BGLAP: variants seen among roughly 807,000 people sequenced by gnomAD.
BGLAP encodes bone gamma-carboxyglutamate protein.
BGLAP carries 15 observed loss-of-function variants against 13.7 expected under a neutral mutation model. That is an observed-to-expected ratio of 1.09 (90% CI 0.73 to 1.68). The LOEUF (loss-of-function observed/expected upper bound fraction) is 1.68. BGLAP is among the 40% of genes most tolerant of loss of function. The pLI is 0.00. For synonymous variants in BGLAP, 67 were observed against 56.2 expected, an observed-to-expected ratio of 1.19 and a Z score of -0.86; for missense variants, 120 against 134.3, an observed-to-expected ratio of 0.89 and a Z score of 0.53.
At chr1:156,242,459 G>A (rs981067169) in intron 1 of BGLAP, 94 bp from the exon 2 acceptor site, 214 of 1,549,310 alleles carry the variant, frequency 1.4e-4, no homozygotes, top group Non-Finnish European at 1.8e-4. Flanking sequence ...TGCAGAGGGA[G>A]AGGAGGGAAG....
rs1659513329 is a variant in BGLAP, at chr1:156,242,685, A to G, written c.104-77A>G. The G allele has an allele frequency of 1.9e-6, 3 of 1,608,846 alleles. No individual in the cohort carries two copies. In the South Asian group the frequency reaches 3.3e-5, roughly 18 times the overall value. On this transcript the variant is annotated intron_variant, in intron 2 of 3. Transcript: ENST00000368272. ...CACTCCTGCCACCTCCTGTCTGGCC[A>G]TCAGGAAGGCCAGCCTGCTCCCCAC...
At chr1:156,242,634 A>C (rs1572517559) in intron 2 of BGLAP, 43 bp downstream of exon 2, 1 of 1,587,424 alleles carries the variant, frequency 6.3e-7, no homozygotes, top group East Asian at 2.3e-5. Flanking sequence ...CTCCCCTCTC[A>C]CCCTGGTCCC....
rs192496684 is a variant in BGLAP, at chr1:156,242,493, G to A, written c.65-60G>A. 3.3e-3 allele frequency: 5,077 copies of A among 1,551,532 alleles called. 18 individuals carry two copies. Among genetic ancestry groups the A allele is most frequent in the Non-Finnish European group, 3.6e-3 (4,176 of 1,146,876 alleles). On this transcript the variant is annotated intron_variant, in intron 1 of 3. Transcript: ENST00000368272. ...AGAGCAAGCTGCCCGAGACGCAGGG[G>A]AAGGAGGATGAGGGCCCTGGGGATG...
At chr1:156,242,881 C>A in intron 3 of BGLAP, 50 bp downstream of exon 3, 2 of 1,573,194 alleles carry the variant, frequency 1.3e-6, no homozygotes, top group South Asian at 2.4e-5. Flanking sequence ...CCGGGATGGT[C>A]TGTGGGGGAG....
rs1659447767 is a variant in BGLAP at position 156,242,365 on chromosome 1, C to G, written c.64+70C>G. The G allele has an allele frequency of 1.9e-6, 3 of 1,575,118 alleles. No individual in the cohort carries two copies. The Admixed American group carries it at 5.4e-5, about 28-fold the overall frequency. On this transcript the variant is annotated intron_variant, in intron 1 of 3. Transcript: ENST00000368272. Reference sequence around the variant, plus strand: ...GAGAGGAGGAAGCACCATGGCCCACCTCTTCTCACCCCTTTGGCTGGCAGT... The same window carrying G: ...GAGAGGAGGAAGCACCATGGCCCACGTCTTCTCACCCCTTTGGCTGGCAGT...
In BGLAP at chr1:156,243,275, C is replaced by G. The variant is rs1318279249; in HGVS notation, c.*113C>G. On this transcript the variant is annotated 3_prime_UTR_variant, in exon 4 of 4. Transcript: ENST00000368272. The stretch of plus-strand genomic sequence containing the variant: ...CCTCCCAGCCCTATGGATGTGGGGT[C>G]CCCATCATCCCAGCTGCTCCCAAAT... 5 of 1,515,442 alleles carry G rather than the reference C, an allele frequency of 3.3e-6. No homozygotes were observed. The highest frequency in any genetic ancestry group is 4.5e-6 in the Non-Finnish European group (5 of 1,123,472). 93.9% of individuals were successfully genotyped at this position (1,515,442 alleles called of 1,614,324 possible).
In BGLAP at chr1:156,242,885, G is replaced by A. The variant is rs767852918; in HGVS notation, c.173+54G>A. The A allele has an allele frequency of 4.5e-6, 7 of 1,572,964 alleles. 1 individual carries two copies. The African/African-American group carries it at 6.7e-5, about 15-fold the overall frequency. The stretch of plus-strand genomic sequence containing the variant: ...GCCCTGCCTCTCCGGGATGGTCTGT[G>A]GGGGAGCTGCAGCAGGGAGTGGCCT... On this transcript the variant is annotated intron_variant, in intron 3 of 3. Transcript: ENST00000368272.
At chr1:156,242,896 A>G in intron 3 of BGLAP, 65 bp downstream of exon 3, 1 of 1,571,798 alleles carries the variant, frequency 6.4e-7, no homozygotes, top group Non-Finnish European at 8.6e-7. Context: ...GGGGAGCTGC[A>G]GCAGGGAGTG....
chr1:156,242,829 G>A lies in BGLAP; in HGVS notation c.171G>A (p.Leu57=). 1.3e-6 allele frequency: 2 copies of A among 1,594,542 alleles called. No homozygotes were observed. The highest frequency in any genetic ancestry group is 1.7e-6 in the Non-Finnish European group (2 of 1,169,282). Residue 57 remains leucine, a splice_region_variant and synonymous_variant, in exon 3 of 4, where the codon CTG becomes CTA. Transcript: ENST00000368272. Reference sequence around the variant, plus strand: ...CCAGGCGCTACCTGTATCAATGGCTGGGGTGAGAGAAAAGGCAGAGCTGGG... The same window carrying A: ...CCAGGCGCTACCTGTATCAATGGCTAGGGTGAGAGAAAAGGCAGAGCTGGG... The part of the protein sequence containing the change: ...KRPRRYLYQW[L]GAPVPYPDPL...
Position 156,242,990 on chromosome 1 carries a change from G to A in BGLAP, c.174-43G>A, listed in dbSNP as rs758890977. 3.7e-6 allele frequency: 6 copies of A among 1,612,602 alleles called. No homozygotes were observed. In the South Asian group the frequency reaches 4.4e-5, roughly 12 times the overall value. On this transcript the variant is annotated intron_variant, in intron 3 of 3. Coordinates refer to ENST00000368272, the MANE Select transcript of BGLAP (RefSeq NM_199173.6). ...CCATGTGTAGGGAGAGGAGGGATGG[G>A]CATTTTGCACGGGGGCTGATGCCAC...
chr1:156,242,660 C>T (rs1659511296), intron 2 of BGLAP, 69 bp downstream of exon 2: 16 of 1,606,336 alleles, frequency 1.0e-5, no homozygotes, highest in Admixed American at 6.8e-5. Context: ...CTCATTCCCC[C>T]ACTCCTGCCA....
In BGLAP at chr1:156,243,254, C is replaced by T. The variant is rs1659602512; in HGVS notation, c.*92C>T. 2.5e-6 allele frequency: 4 copies of T among 1,574,840 alleles called. No homozygotes were observed. Among genetic ancestry groups the T allele is most frequent in the Non-Finnish European group, 3.4e-6 (4 of 1,162,590 alleles). On this transcript the variant is annotated 3_prime_UTR_variant, in exon 4 of 4. Coordinates refer to ENST00000368272, the MANE Select transcript of BGLAP (RefSeq NM_199173.6). ...TTCCCCTTGCCCTTGCCCTGACCTC[C>T]CAGCCCTATGGATGTGGGGTCCCCA...
chr1:156,242,523 G>A lies in BGLAP; in HGVS notation c.65-30G>A, dbSNP rs1420596456. 5 of 1,551,758 alleles carry A rather than the reference G, an allele frequency of 3.2e-6. No homozygotes were observed. The Admixed American group carries it at 7.8e-5, about 24-fold the overall frequency. On this transcript the variant is annotated intron_variant, in intron 1 of 3. Transcript: ENST00000368272. ...AGGATGAGGGCCCTGGGGATGAGCT[G>A]GGGTGAACCAGGCTCCCTTTCCTTT...
rs760239083 is a variant in BGLAP at position 156,242,635 on chromosome 1, C to A, written c.103+44C>A. On this transcript the variant is annotated intron_variant, in intron 2 of 3. Coordinates refer to ENST00000368272, the MANE Select transcript of BGLAP (RefSeq NM_199173.6). ...TGGGTTCCTGGACCCTCCCCTCTCA[C>A]CCTGGTCCCTCAGTCTCATTCCCCC... 23 of 1,588,748 alleles carry A rather than the reference C, an allele frequency of 1.4e-5. No homozygotes were observed. The Admixed American group carries it at 4.1e-4, about 28-fold the overall frequency.
rs757750903 is a variant in BGLAP, at chr1:156,242,809, C to T, written c.151C>T (p.Arg51Cys). ...EGSEVVKRPR[R>C]YLYQWLGAPV... ...CAGCGAGGTAGTGAAGAGACCCAGG[C>T]GCTACCTGTATCAATGGCTGGGGTG... The change falls in exon 3 of 4, where the codon CGC becomes TGC. Residue 51 changes from arginine (R) to cysteine (C), a missense_variant. Coordinates refer to ENST00000368272, the MANE Select transcript of BGLAP (RefSeq NM_199173.6). The T allele has an allele frequency of 1.0e-5, 16 of 1,600,502 alleles. No homozygotes were observed. Among genetic ancestry groups the T allele is most frequent in the Non-Finnish European group, 1.4e-5 (16 of 1,172,170 alleles).
Position 156,242,258 on chromosome 1 carries a change from A to G in BGLAP, c.27A>G (p.Leu9=). MRALTLLA[L]LALAALCIAG... ...TGAGAGCCCTCACACTCCTCGCCCT[A>G]TTGGCCCTGGCCGCACTTTGCATCG... The change falls in exon 1 of 4, where the codon CTA becomes CTG. Residue 9 remains leucine (L), a synonymous_variant. Coordinates refer to ENST00000368272, the MANE Select transcript of BGLAP (RefSeq NM_199173.6). The G allele has an allele frequency of 6.2e-7, 1 of 1,611,910 alleles. No homozygotes were observed. The highest frequency in any genetic ancestry group is 2.2e-5 in the East Asian group (1 of 44,676).
chr1:156,243,005 G>T, intron 3 of BGLAP, 28 bp from the exon 4 acceptor site: 1 of 1,613,690 alleles, frequency 6.2e-7, no homozygotes, highest in Non-Finnish European at 8.5e-7. Flanking sequence ...TTGCACGGGG[G>T]CTGATGCCAC....
At chr1:156,242,390 T>G in intron 1 of BGLAP, 95 bp downstream of exon 1, 1 of 1,548,790 alleles carries the variant, frequency 6.5e-7, no homozygotes, top group Non-Finnish European at 8.7e-7. Flanking sequence ...TGGCTGGCAG[T>G]CCCTTTGCAG....
intron 2 of BGLAP, 66 bp from the exon 3 acceptor site, chr1:156,242,696 C>A (rs1659514290): frequency 1.9e-6 from 3 of 1,606,726 alleles, no homozygotes; most frequent in Admixed American, 3.4e-5. Flanking sequence ...TCAGGAAGGC[C>A]AGCCTGCTCC....
Sources: gnomAD v4.1 joint callset for allele counts on GRCh38, gnomAD v4.1.1 for gene constraint, MANE v1.5 for transcripts, NCBI Gene and HGNC (gene_info 2026-07-23, HGNC 2026-07-21) for gene names.